Variants in MAML2 observed in about 807,000 individuals in gnomAD.
MAML2 encodes the protein mastermind-like protein 2.
MAML2 carries 22 observed loss-of-function variants against 96.1 expected under a neutral mutation model. The observed-to-expected ratio is 0.23, with a 90% CI of 0.16 to 0.33. The LOEUF (loss-of-function observed/expected upper bound fraction) is 0.33. MAML2 is among the 10% of genes least tolerant of loss of function. The pLI, the probability that MAML2 is intolerant of heterozygous loss-of-function variation, is 1.00. For missense variants in MAML2, 1,367 were observed against 1,392.4 expected (o/e 0.98, Z 0.29); for synonymous variants, 561 against 521.3 (o/e 1.08, Z -1.04).
At chr11:96,015,264 T>C (rs1289677288) in intron 2 of MAML2, among the ~76,000 whole-genome samples, 1 of 152,178 alleles carries the variant, frequency 6.6e-6, no homozygotes, top group Non-Finnish European at 1.5e-5. Flanking sequence ...TACATAACAG[T>C]ACAGTTCAGT....
At chr11:96,243,798 C>G (rs931458236) in intron 1 of MAML2, among the ~76,000 whole-genome samples, 5 of 151,982 alleles carry the variant, frequency 3.3e-5, no homozygotes, top group Non-Finnish European at 7.4e-5. Context: ...GGACTACAGG[C>G]GCACGCCACC....
Position 96,341,397 on chromosome 11 carries a change from A to C in MAML2, c.499T>G (p.Ser167Ala). 6.5e-7 allele frequency: 1 copy of C among 1,531,378 alleles called. No homozygotes were observed. The highest frequency in any genetic ancestry group is 8.8e-7 in the Non-Finnish European group (1 of 1,135,182). 94.9% of individuals were successfully genotyped at this position (1,531,378 alleles called of 1,614,324 possible). A position where few individuals can be genotyped will look rare whatever the true frequency, so the allele number is the denominator to read the frequency against. Residue 167 changes from serine to alanine, a missense_variant, in exon 1 of 5, where the codon TCA (serine) becomes GCA (alanine). Transcript: ENST00000524717. The stretch of plus-strand genomic sequence containing the variant: ...CAGGTGCTTACCGCAATCAGGGCTG[A>C]GTTCCTCTGGTCCCCTGGGGTTGAA... ...PASTPGDQRN[S>A]ALIALQGSLK...
intron 1 of MAML2, among the ~76,000 whole-genome samples, chr11:96,168,804 T>C (rs1305699017): frequency 6.6e-6 from 1 of 152,190 alleles, no homozygotes; most frequent in African/African-American, 2.4e-5. Context: ...AAATTCACTA[T>C]GCTGAGATCA....
chr11:96,277,187 C>G (rs957219808), intron 1 of MAML2, among the ~76,000 whole-genome samples: 1 of 152,166 alleles, frequency 6.6e-6, no homozygotes, highest in African/African-American at 2.4e-5. Context: ...CCATTTTTAC[C>G]AGGCCAGGAA....
At chr11:96,215,397 T>C (rs1862033898) in intron 1 of MAML2, among the ~76,000 whole-genome samples, 1 of 152,218 alleles carries the variant, frequency 6.6e-6, no homozygotes, top group African/African-American at 2.4e-5. Context: ...TAGTGTGCTC[T>C]CTCTTCCACT....
intron 2 of MAML2, among the ~76,000 whole-genome samples, chr11:96,002,303 C>T (rs956186722): frequency 3.3e-5 from 5 of 152,194 alleles, no homozygotes; most frequent in African/African-American, 4.8e-5. Flanking sequence ...GAGGACAGAA[C>T]TTCCTGCTGT....
At chr11:96,004,921 G>A in intron 2 of MAML2, among the ~76,000 whole-genome samples, 1 of 152,134 alleles carries the variant, frequency 6.6e-6, no homozygotes, top group Non-Finnish European at 1.5e-5. Flanking sequence ...GCCCTTATGG[G>A]AGGTGATCAA....
chr11:96,301,306 G>A (rs1863383515), intron 1 of MAML2, among the ~76,000 whole-genome samples: 1 of 152,138 alleles, frequency 6.6e-6, no homozygotes, highest in East Asian at 1.9e-4. Context: ...GACAAATGAG[G>A]CACATGGGGT....
intron 1 of MAML2, among the ~76,000 whole-genome samples, chr11:96,209,017 C>T (rs1017358767): frequency 1.3e-5 from 2 of 152,080 alleles, no homozygotes; most frequent in African/African-American, 4.8e-5. Context: ...CATCAAAGTG[C>T]TTGTTAAAAT....
chr11:96,291,195 G>A (rs928930028), intron 1 of MAML2, among the ~76,000 whole-genome samples: 7 of 127,316 alleles, frequency 5.5e-5, no homozygotes, highest in African/African-American at 1.5e-4. Flanking sequence ...GCGCAATATC[G>A]GTTCACTGTA....
At chr11:96,024,409 A>T (rs1029552330) in intron 2 of MAML2, among the ~76,000 whole-genome samples, 2 of 152,252 alleles carry the variant, frequency 1.3e-5, no homozygotes, top group African/African-American at 4.8e-5. Flanking sequence ...CAGATCTTGC[A>T]TATGAAGACT....
At chr11:96,119,455 G>A (rs780078120) in intron 1 of MAML2, among the ~76,000 whole-genome samples, 1 of 152,214 alleles carries the variant, frequency 6.6e-6, no homozygotes, top group Non-Finnish European at 1.5e-5. Context: ...AGAGCCTCCA[G>A]AAGGAAGGCA....
intron 2 of MAML2, among the ~76,000 whole-genome samples, chr11:96,012,220 C>A (rs936924526): frequency 1.3e-5 from 2 of 152,136 alleles, no homozygotes; most frequent in African/African-American, 2.4e-5. Flanking sequence ...CAAGTTCATT[C>A]GACTTGGGCA....
intron 2 of MAML2, among the ~76,000 whole-genome samples, chr11:95,996,193 T>C (rs1857988795): frequency 6.6e-6 from 1 of 152,200 alleles, no homozygotes; most frequent in South Asian, 2.1e-4. Context: ...GGCAGTTTTT[T>C]ATTTTCTAGA....
chr11:96,044,278 G>A (rs957418630), intron 2 of MAML2, among the ~76,000 whole-genome samples: 2 of 152,196 alleles, frequency 1.3e-5, no homozygotes, highest in African/African-American at 4.8e-5. Context: ...TTTTCACATG[G>A]TTGCATGGAT....
At chr11:96,043,828 C>G (rs548097163) in intron 2 of MAML2, among the ~76,000 whole-genome samples, 1 of 152,330 alleles carries the variant, frequency 6.6e-6, no homozygotes, top group Admixed American at 6.5e-5. Context: ...GAAAAACACA[C>G]AGTAACTATC....
At chr11:96,106,370 T>C (rs367574992) in intron 1 of MAML2, among the ~76,000 whole-genome samples, 93 of 152,340 alleles carry the variant, frequency 6.1e-4, no homozygotes, top group African/African-American at 2.1e-3. Flanking sequence ...TCACTGTTTC[T>C]CAGAACACGC....
chr11:96,138,536 T>G (rs1387128494), intron 1 of MAML2, among the ~76,000 whole-genome samples: 1 of 152,222 alleles, frequency 6.6e-6, no homozygotes, highest in Admixed American at 6.5e-5. Context: ...GAACTCCTAA[T>G]GGCTGCTAAT....
intron 1 of MAML2, among the ~76,000 whole-genome samples, chr11:96,197,723 A>G (rs1056576206): frequency 3.3e-5 from 5 of 152,224 alleles, no homozygotes; most frequent in African/African-American, 1.2e-4. Flanking sequence ...AGTCTAGCTC[A>G]ACAGGCACAT....
Sources: allele counts gnomAD v4.1 joint callset (sites outside exome capture counted in the v4.1 genomes callset), GRCh38; gene constraint gnomAD v4.1.1; transcripts MANE v1.5; gene names NCBI Gene and HGNC (gene_info 2026-07-23, HGNC 2026-07-21).